Variants in TMEM245 observed in about 807,000 individuals in gnomAD.
TMEM245 encodes transmembrane protein 245, also known as protein CG-2.
TMEM245 carries 69 observed loss-of-function variants against 101.2 expected under a neutral mutation model. The ratio of observed to expected loss-of-function variants is 0.68; its 90% CI spans 0.56 to 0.83. The LOEUF (loss-of-function observed/expected upper bound fraction) is 0.83, where lower values mean the gene tolerates loss of function less well. Among genes scored for constraint, TMEM245 ranks in the 40% least tolerant of loss-of-function variants. The pLI is 0.00. For missense variants in TMEM245, 1,075 were observed against 1,092.8 expected (o/e 0.98, Z 0.23); for synonymous variants, 537 against 449.8 (o/e 1.19, Z -2.45).
At chr9:109,058,074 C>G (rs1422493937) in intron 11 of TMEM245, among the ~76,000 whole-genome samples, 4 of 150,198 alleles carry the variant, frequency 2.7e-5, no homozygotes, top group African/African-American at 9.8e-5. Flanking sequence ...GATTTCGGCT[C>G]ACTGCAAACT....
intron 13 of TMEM245, 28 bp downstream of exon 13, chr9:109,050,542 T>C (rs764634429): frequency 1.2e-6 from 2 of 1,613,792 alleles, no homozygotes. Context: ...GAAGGAAATA[T>C]GACGTGTACT....
chr9:109,075,718 T>C (rs1829478406), intron 8 of TMEM245, among the ~76,000 whole-genome samples: 1 of 152,220 alleles, frequency 6.6e-6, no homozygotes, highest in Non-Finnish European at 1.5e-5. Flanking sequence ...TTGATATTGG[T>C]AATTTGTATC....
At chr9:109,028,732 C>G (rs139373289) in intron 17 of TMEM245, among the ~76,000 whole-genome samples, 1 of 152,080 alleles carries the variant, frequency 6.6e-6, no homozygotes, top group African/African-American at 2.4e-5. Flanking sequence ...AATACTCTCC[C>G]GCTGGCCTTA....
chr9:109,023,890 G>T (rs1388198108), intron 17 of TMEM245, among the ~76,000 whole-genome samples: 10 of 151,668 alleles, frequency 6.6e-5, no homozygotes, highest in Admixed American at 6.6e-4. Flanking sequence ...ATGTGACTGT[G>T]GTCACATGGG....
chr9:109,048,109 A>G (rs16913774), intron 14 of TMEM245, among the ~76,000 whole-genome samples: 2,002 of 152,312 alleles, frequency 0.013, 24 homozygotes, highest in Non-Finnish European at 0.019. Context: ...GTTACACTGG[A>G]TAATATACTC....
Position 109,060,382 on chromosome 9 carries a change from T to C in TMEM245, c.1694A>G (p.Asp565Gly). Residue 565 changes from aspartate to glycine, a missense_variant, in exon 11 of 18, where the codon GAC (aspartate) becomes GGC (glycine). Around this residue, in one of 2 missense-constraint regions of TMEM245, gnomAD observed 808 missense variants for 741.5 expected, o/e 1.09. Coordinates refer to ENST00000374586, the MANE Select transcript of TMEM245 (RefSeq NM_032012.4). The stretch of plus-strand genomic sequence containing the variant: ...TACAAACCAAGAGTGATACAGTCTG[T>C]CCCAAAGTTCTAGTACTTGCTTTTC... ...VIEKQVLELW[D>G]RLYHSWFVKN... The C allele has an allele frequency of 6.2e-7, 1 of 1,613,650 alleles. No individual in the cohort carries two copies. The highest frequency in any genetic ancestry group is 8.5e-7 in the Non-Finnish European group (1 of 1,179,742).
At position 109,078,607 on chromosome 9, in the gene TMEM245, T is replaced by A. The variant is rs1417576937; in HGVS notation, c.1449+2232A>T. Among the ~76,000 whole-genome samples the A allele has an allele frequency of 5.3e-5, 8 of 152,356 alleles. No homozygotes were observed. In the East Asian group the frequency reaches 1.5e-3, roughly 29 times the overall value. ...TTTGCTGTTTATTAAGAGAATTAAGTCACTAACTGTATTGTTCCCCTGTTT... is the reference window on the plus strand; with the variant it reads ...TTTGCTGTTTATTAAGAGAATTAAGACACTAACTGTATTGTTCCCCTGTTT... On this transcript the variant is annotated intron_variant, in intron 8 of 17. Coordinates refer to ENST00000374586, the MANE Select transcript of TMEM245 (RefSeq NM_032012.4).
chr9:109,066,278 AC>A (rs999367479), intron 9 of TMEM245, among the ~76,000 whole-genome samples: 21 of 151,936 alleles, frequency 1.4e-4, no homozygotes, highest in Admixed American at 6.6e-5. Context: ...ACAAGGCAAA[AC>A]CCCGTCTCTA....
intron 8 of TMEM245, among the ~76,000 whole-genome samples, chr9:109,078,815 T>TG (rs1425380048): frequency 6.6e-6 from 1 of 152,222 alleles, no homozygotes; most frequent in African/African-American, 2.4e-5. Context: ...TTTTAGCAGT[T>TG]ATTTCTTCAA....
intron 17 of TMEM245, among the ~76,000 whole-genome samples, chr9:109,028,833 A>T (rs988902740): frequency 1.3e-5 from 2 of 152,162 alleles, no homozygotes; most frequent in Non-Finnish European, 2.9e-5. Flanking sequence ...AAGGAAATGA[A>T]TTATGCCAAC....
intron 10 of TMEM245, among the ~76,000 whole-genome samples, chr9:109,063,444 C>T (rs1435827422): frequency 4.6e-5 from 7 of 152,058 alleles, no homozygotes; most frequent in African/African-American, 7.2e-5. Flanking sequence ...GTGTATACAG[C>T]GTATCTTCCA....
intron 2 of TMEM245, among the ~76,000 whole-genome samples, chr9:109,108,056 A>G (rs974312265): frequency 1.3e-5 from 2 of 152,016 alleles, no homozygotes; most frequent in Non-Finnish European, 2.9e-5. Flanking sequence ...CCCACCCTAG[A>G]GCCCCAGTTC....
chr9:109,020,565 CA>C, intron 17 of TMEM245, 60 bp from the exon 18 acceptor site: 1 of 1,497,060 alleles, frequency 6.7e-7, no homozygotes, highest in South Asian at 1.1e-5. Flanking sequence ...CCTATTTTTA[CA>C]ATCTTTTGGA....
At position 109,096,036 on chromosome 9, in the gene TMEM245, C is replaced by T. The variant is rs1039930684; in HGVS notation, c.800-2445G>A. Among the ~76,000 whole-genome samples the T allele has an allele frequency of 2.6e-5, 4 of 152,138 alleles. No homozygotes were observed. The East Asian group carries it at 5.8e-4, about 22-fold the overall frequency. On this transcript the variant is annotated intron_variant, in intron 3 of 17. Transcript: ENST00000374586. ...TTAAAGAGACGTAGAAGAGTCAAAG[C>T]GGACCACACTTGATGAGGAAGCAAT...
intron 1 of TMEM245, among the ~76,000 whole-genome samples, chr9:109,115,890 T>A (rs544387837): frequency 6.6e-6 from 1 of 152,166 alleles, no homozygotes; most frequent in Non-Finnish European, 1.5e-5. Context: ...AAAATCCTTA[T>A]TGAAGGTTAC....
chr9:109,024,142 G>A (rs1827724261), intron 17 of TMEM245, among the ~76,000 whole-genome samples: 1 of 152,172 alleles, frequency 6.6e-6, no homozygotes, highest in African/African-American at 2.4e-5. Flanking sequence ...GCAGAGTTAA[G>A]TTATGGATGC....
At chr9:109,109,736 G>A (rs937914071) in intron 1 of TMEM245, among the ~76,000 whole-genome samples, 3 of 152,096 alleles carry the variant, frequency 2.0e-5, no homozygotes, top group African/African-American at 4.8e-5. Flanking sequence ...TTACCTAAAA[G>A]GTCAACAACT....
At chr9:109,068,858 G>C (rs1201318803) in intron 9 of TMEM245, among the ~76,000 whole-genome samples, 1 of 152,134 alleles carries the variant, frequency 6.6e-6, no homozygotes, top group Admixed American at 6.5e-5. Context: ...CTAAGAGTTA[G>C]GGAAATATTG....
chr9:109,104,445 A>G (rs1332952684), intron 3 of TMEM245, among the ~76,000 whole-genome samples: 2 of 152,290 alleles, frequency 1.3e-5, no homozygotes, highest in Middle Eastern at 3.4e-3. Flanking sequence ...GTCTTTTTAT[A>G]TTGTAAAGAT....
Sources: gnomAD v4.1 joint callset for allele counts (sites outside exome capture counted in the v4.1 genomes callset) on GRCh38, gnomAD v4.1.1 for gene constraint, gnomAD v4.1.1 regional missense constraint, MANE v1.5 for transcripts, NCBI Gene and HGNC (gene_info 2026-07-23, HGNC 2026-07-21) for gene names.